The following ZNF385C variants were observed in gnomAD, a reference collection of about 807,000 sequenced individuals.
The protein encoded by ZNF385C is CTD-2132N18.2.
ZNF385C carries 28 observed loss-of-function variants against 35.4 expected under a neutral mutation model. The observed-to-expected ratio is 0.79, with a 90% CI of 0.59 to 1.08. ZNF385C has a LOEUF of 1.08. Among genes scored for constraint, ZNF385C ranks in the 50% least tolerant of loss-of-function variants. ZNF385C has a pLI of 0.00. For missense variants in ZNF385C, 605 were observed against 595.6 expected (o/e 1.02, Z -0.16); for synonymous variants, 248 against 248.2 (o/e 1.00, Z 0.01).
At chr17:42,039,686 C>T (rs1326640477) in intron 2 of ZNF385C, 6 of 1,232,204 alleles carry the variant, frequency 4.9e-6, no homozygotes, top group Non-Finnish European at 6.1e-6. Flanking sequence ...CTGGATGGGC[C>T]GAGGGAAGGA....
At chr17:42,027,993 C>T (rs2052632488) in intron 7 of ZNF385C, 57 bp downstream of exon 7, 12 of 1,585,936 alleles carry the variant, frequency 7.6e-6, no homozygotes, top group Non-Finnish European at 1.0e-5. Flanking sequence ...CTCTGCTGCC[C>T]TGCCCCCCAA....
chr17:42,090,399 G>A (rs2053854123), intron 1 of ZNF385C, among the ~76,000 whole-genome samples: 1 of 145,552 alleles, frequency 6.9e-6, no homozygotes, highest in South Asian at 2.1e-4. Flanking sequence ...CGATTCTCCT[G>A]CTTCAGCCTC....
At chr17:42,078,542 C>G (rs1291136478) in intron 1 of ZNF385C, among the ~76,000 whole-genome samples, 2 of 151,640 alleles carry the variant, frequency 1.3e-5, no homozygotes, top group African/African-American at 4.9e-5. Flanking sequence ...CTTGGACAAG[C>G]CCAAGGACCT....
chr17:42,063,374 C>T (rs1248243036), intron 1 of ZNF385C, among the ~76,000 whole-genome samples: 1 of 152,036 alleles, frequency 6.6e-6, no homozygotes, highest in Non-Finnish European at 1.5e-5. Context: ...ACTAAAAATA[C>T]ATAATTTGCT....
At chr17:42,065,737 C>T (rs782083939) in intron 1 of ZNF385C, among the ~76,000 whole-genome samples, 14 of 152,148 alleles carry the variant, frequency 9.2e-5, no homozygotes, top group Non-Finnish European at 1.9e-4. Flanking sequence ...CTATGTTGCC[C>T]AGGCTGGTCT....
intron 1 of ZNF385C, among the ~76,000 whole-genome samples, chr17:42,073,547 G>A (rs1567994644): frequency 6.6e-6 from 1 of 152,170 alleles, no homozygotes; most frequent in Non-Finnish European, 1.5e-5. Flanking sequence ...GGTCAGGGGA[G>A]ACAGCCAGAG....
chr17:42,048,376 CAAAA>C (rs34771406), intron 2 of ZNF385C, among the ~76,000 whole-genome samples: 3 of 124,806 alleles, frequency 2.4e-5, no homozygotes, highest in Admixed American at 8.1e-5. Context: ...CTGTCTTTAC[CAAAA>C]AAAAAAAAAA....
intron 1 of ZNF385C, among the ~76,000 whole-genome samples, chr17:42,067,398 G>C (rs933181305): frequency 1.2e-4 from 19 of 152,130 alleles, no homozygotes; most frequent in African/African-American, 4.3e-4. Context: ...TTGGTGATTT[G>C]ATGGTCCAAA....
chr17:42,030,443 G>A (rs193209193), intron 5 of ZNF385C, among the ~76,000 whole-genome samples: 2 of 151,840 alleles, frequency 1.3e-5, no homozygotes, highest in Non-Finnish European at 2.9e-5. Flanking sequence ...AGCCAAGATT[G>A]CACCGCTGTG....
At chr17:42,051,732 C>T (rs527722673) in intron 2 of ZNF385C, among the ~76,000 whole-genome samples, 3 of 152,214 alleles carry the variant, frequency 2.0e-5, no homozygotes, top group East Asian at 1.9e-4. Context: ...CAATTGGGTA[C>T]GCTGCTCTTC....
At chr17:42,058,749 G>A (rs562697197) in intron 2 of ZNF385C, among the ~76,000 whole-genome samples, 95 of 152,290 alleles carry the variant, frequency 6.2e-4, no homozygotes, top group African/African-American at 2.1e-3. Flanking sequence ...TCTGCCTCCC[G>A]GGTTCAAGTG....
intron 4 of ZNF385C, among the ~76,000 whole-genome samples, chr17:42,033,594 T>C (rs2052778161): frequency 6.6e-6 from 1 of 151,684 alleles, no homozygotes; most frequent in African/African-American, 2.4e-5. Flanking sequence ...CTGCCAAAAA[T>C]ATAAAAAAAT....
chr17:42,048,308 G>C (rs1190327762), intron 2 of ZNF385C, among the ~76,000 whole-genome samples: 2 of 151,656 alleles, frequency 1.3e-5, no homozygotes, highest in Non-Finnish European at 2.9e-5. Context: ...GGAGGCTGAG[G>C]TGGGAGGACT....
intron 2 of ZNF385C, among the ~76,000 whole-genome samples, chr17:42,049,038 C>G (rs868907768): frequency 5.3e-5 from 8 of 152,152 alleles, no homozygotes; most frequent in African/African-American, 1.9e-4. Flanking sequence ...TGCCAAATGC[C>G]CAGGGCTACT....
chr17:42,062,441 A>AC, intron 2 of ZNF385C: 1 of 185,568 alleles, frequency 5.4e-6, no homozygotes, highest in Non-Finnish European at 1.1e-5. Flanking sequence ...GGAGCCTGGG[A>AC]CCCCCACCCC....
chr17:42,038,114 G>A lies in ZNF385C; in HGVS notation c.251-229C>T, dbSNP rs2052908839. On this transcript the variant is annotated intron_variant, in intron 2 of 8. Transcript: ENST00000692273. Reference sequence around the variant, plus strand: ...GTCCACAGTTGAGGCTCCCAGCCCAGAGGGATGACCCTCCTGCCCCTACTG... The same window carrying A: ...GTCCACAGTTGAGGCTCCCAGCCCAAAGGGATGACCCTCCTGCCCCTACTG... The A allele has an allele frequency of 9.9e-6, 15 of 1,519,936 alleles. No homozygotes were observed. In the South Asian group the frequency reaches 1.6e-4, roughly 16 times the overall value. 94.2% of individuals were successfully genotyped at this position (1,519,936 alleles called of 1,614,324 possible).
intron 1 of ZNF385C, among the ~76,000 whole-genome samples, chr17:42,088,295 G>A (rs181075409): frequency 2.0e-5 from 3 of 152,336 alleles, no homozygotes; most frequent in Non-Finnish European, 2.9e-5. Context: ...TCAAACCTGA[G>A]GTCTGTCTCC....
At chr17:42,076,960 C>G (rs1472126621) in intron 1 of ZNF385C, among the ~76,000 whole-genome samples, 1 of 152,122 alleles carries the variant, frequency 6.6e-6, no homozygotes, top group African/African-American at 2.4e-5. Context: ...ATTGCCCTCC[C>G]CACTCCAGAA....
chr17:42,088,607 CA>C (rs1419710133), intron 1 of ZNF385C, among the ~76,000 whole-genome samples: 1 of 152,242 alleles, frequency 6.6e-6, no homozygotes, highest in Non-Finnish European at 1.5e-5. Flanking sequence ...GACTCTCCCT[CA>C]GTGCAAAGAA....
Sources: allele counts gnomAD v4.1 joint callset (sites outside exome capture counted in the v4.1 genomes callset), GRCh38; gene constraint gnomAD v4.1.1; transcripts MANE v1.5; gene names NCBI Gene and HGNC (gene_info 2026-07-23, HGNC 2026-07-21).